SLC36A1: variants seen among roughly 807,000 people sequenced by gnomAD.
SLC36A1 encodes solute carrier family 36 member 1.
In SLC36A1, 30 loss-of-function variants were observed where a neutral mutation model predicts 47.5. The ratio of observed to expected loss-of-function variants is 0.63; its 90% CI spans 0.47 to 0.86. The LOEUF is 0.86. Ranked by LOEUF, SLC36A1 falls within the 40% of genes least tolerant of loss-of-function variation. The pLI is 0.00. For missense variants in SLC36A1, 517 were observed against 606.0 expected (o/e 0.85, Z 1.54); for synonymous variants, 255 against 249.7 (o/e 1.02, Z -0.20).
At chr5:151,550,025 C>G in the SLC36A1 span, among the ~76,000 whole-genome samples, 2 of 152,088 alleles carry the variant, frequency 1.3e-5, no homozygotes, top group African/African-American at 4.8e-5. Context: ...AACTGTATGA[C>G]AGTGAGGAAG....
chr5:151,537,520 A>G, the SLC36A1 span, among the ~76,000 whole-genome samples: 2 of 151,518 alleles, frequency 1.3e-5, no homozygotes, highest in African/African-American at 4.8e-5. Flanking sequence ...AATAAAATAA[A>G]TCCCCTTAGC....
At chr5:151,406,975 C>A in the SLC36A1 span, among the ~76,000 whole-genome samples, 1 of 152,138 alleles carries the variant, frequency 6.6e-6, no homozygotes, top group Non-Finnish European at 1.5e-5. Context: ...TTGCTGACTT[C>A]AGGAGTGAAG....
chr5:151,372,525 C>T, the SLC36A1 span, among the ~76,000 whole-genome samples: 1 of 151,998 alleles, frequency 6.6e-6, no homozygotes. Flanking sequence ...TGCACTGCGT[C>T]CTGGAACTCC....
At chr5:151,480,556 G>A (rs1285840746) in intron 10 of SLC36A1, among the ~76,000 whole-genome samples, 2 of 152,168 alleles carry the variant, frequency 1.3e-5, no homozygotes, top group East Asian at 3.9e-4. Flanking sequence ...GCTAATCCAG[G>A]GGCCAGGGCT....
At chr5:151,551,672 G>A in the SLC36A1 span, 3 of 1,569,016 alleles carry the variant, frequency 1.9e-6, no homozygotes, top group African/African-American at 1.3e-5. Flanking sequence ...CATAAGATAG[G>A]CTTTGGTTGT....
chr5:151,518,796 T>C, the SLC36A1 span, among the ~76,000 whole-genome samples: 3 of 152,320 alleles, frequency 2.0e-5, no homozygotes, highest in East Asian at 1.9e-4. Context: ...CTCTTGGGAA[T>C]AGCATTCTGT....
chr5:151,495,975 G>A (rs79348960), downstream of SLC36A1, among the ~76,000 whole-genome samples: 17,816 of 152,064 alleles, frequency 0.12, 1,390 homozygotes, highest in East Asian at 0.36. Flanking sequence ...ATAAATATTT[G>A]TACAAGTGTT....
the SLC36A1 span, among the ~76,000 whole-genome samples, chr5:151,389,991 T>G: frequency 3.9e-5 from 6 of 152,212 alleles, no homozygotes; most frequent in Non-Finnish European, 7.3e-5. Context: ...CCACACTGTC[T>G]TCCACAATGG....
the SLC36A1 span, among the ~76,000 whole-genome samples, chr5:151,526,650 A>T: frequency 6.6e-6 from 1 of 152,214 alleles, no homozygotes; most frequent in African/African-American, 2.4e-5. Context: ...TTCTCAGAAA[A>T]GATATTTTTA....
At chr5:151,355,096 A>C in the SLC36A1 span, among the ~76,000 whole-genome samples, 22 of 152,216 alleles carry the variant, frequency 1.4e-4, no homozygotes, top group Non-Finnish European at 2.9e-4. Context: ...CGCTGCTTAT[A>C]GAAAGAAACA....
At chr5:151,468,101 T>C (rs1488507464) in intron 7 of SLC36A1, among the ~76,000 whole-genome samples, 176 bp downstream of exon 7, 2 of 149,770 alleles carry the variant, frequency 1.3e-5, no homozygotes, top group Non-Finnish European at 3.0e-5. Flanking sequence ...CTAGTAAAAA[T>C]AGAAAAATTA....
chr5:151,503,720 T>G, the SLC36A1 span, among the ~76,000 whole-genome samples: 1 of 152,124 alleles, frequency 6.6e-6, no homozygotes, highest in Admixed American at 6.5e-5. Context: ...CCGTAACTAA[T>G]GCCATGCAGT....
At chr5:151,384,826 C>T in the SLC36A1 span, among the ~76,000 whole-genome samples, 2 of 152,092 alleles carry the variant, frequency 1.3e-5, no homozygotes, top group Non-Finnish European at 1.5e-5. Flanking sequence ...ATAAGCCATT[C>T]CACGCTCACC....
chr5:151,552,238 A>G, the SLC36A1 span, among the ~76,000 whole-genome samples: 1 of 152,120 alleles, frequency 6.6e-6, no homozygotes, highest in Non-Finnish European at 1.5e-5. Context: ...CTCCTACTTC[A>G]GCCTCTCAAG....
chr5:151,398,950 T>C, the SLC36A1 span, among the ~76,000 whole-genome samples: 1 of 151,866 alleles, frequency 6.6e-6, no homozygotes, highest in Non-Finnish European at 1.5e-5. Flanking sequence ...ACGAAGAATT[T>C]CCATATGCTT....
intron 7 of SLC36A1, among the ~76,000 whole-genome samples, chr5:151,471,484 A>C (rs898145326): frequency 6.6e-6 from 1 of 152,216 alleles, no homozygotes; most frequent in African/African-American, 2.4e-5. Context: ...GATCTGATGT[A>C]TGAATAAGAG....
chr5:151,408,642 C>A, the SLC36A1 span, among the ~76,000 whole-genome samples: 1 of 152,066 alleles, frequency 6.6e-6, no homozygotes, highest in East Asian at 1.9e-4. Flanking sequence ...TTACATACAC[C>A]ACCAGAAGCA....
downstream of SLC36A1, among the ~76,000 whole-genome samples, chr5:151,493,987 C>T (rs1310025612): frequency 6.6e-6 from 1 of 152,162 alleles, no homozygotes; most frequent in Non-Finnish European, 1.5e-5. Flanking sequence ...TGCTCACTTC[C>T]TCTGTGGAGG....
chr5:151,506,622 C>A, the SLC36A1 span, among the ~76,000 whole-genome samples: 1 of 152,186 alleles, frequency 6.6e-6, no homozygotes, highest in East Asian at 1.9e-4. Context: ...TGATGGGCCT[C>A]GGTTTCCGTA....
Sources: gnomAD v4.1 joint callset for allele counts (sites outside exome capture counted in the v4.1 genomes callset) on GRCh38, gnomAD v4.1.1 for gene constraint, MANE v1.5 for transcripts, NCBI Gene and HGNC (gene_info 2026-07-23, HGNC 2026-07-21) for gene names.